Variants in CNTN5 observed in about 807,000 individuals in gnomAD.
The protein encoded by CNTN5 is contactin-5.
In CNTN5, 77 loss-of-function variants were observed where a neutral mutation model predicts 129.1. That is an observed-to-expected ratio of 0.60 (90% confidence interval 0.50 to 0.72). The LOEUF is 0.72. CNTN5 is among the 30% of genes least tolerant of loss of function. The pLI is 0.00. For missense variants in CNTN5, 1,478 were observed against 1,328.8 expected, an observed-to-expected ratio of 1.11 and a Z score of -1.75; for synonymous variants, 509 against 465.6, an observed-to-expected ratio of 1.09 and a Z score of -1.20.
intron 8 of CNTN5, among the ~76,000 whole-genome samples, chr11:99,960,364 T>A (rs1950910213): frequency 6.6e-6 from 1 of 152,176 alleles, no homozygotes; most frequent in Non-Finnish European, 1.5e-5. Flanking sequence ...TTATGTTTTT[T>A]TTCTTCTACT....
At position 99,212,631 on chromosome 11, in the gene CNTN5, C is replaced by T. The variant is rs559612204; in HGVS notation, c.-209-112715C>T. Among the ~76,000 whole-genome samples, 7 of 152,098 alleles carry T rather than the reference C, an allele frequency of 4.6e-5. No individual in the cohort carries two copies. In the South Asian group the frequency reaches 1.0e-3, roughly 23 times the overall value. ...TGTGCTGACATCTTATCACTACCCA[C>T]CCTTTATTGTATTTATTCTTTTCTA... On this transcript the variant is annotated intron_variant, in intron 1 of 24. Transcript: ENST00000524871.
Position 99,526,401 on chromosome 11 carries a change from G to A in CNTN5, c.-70-29744G>A, listed in dbSNP as rs150735360. Among the ~76,000 whole-genome samples, 768 of 152,288 alleles carry A rather than the reference G, an allele frequency of 5.0e-3. 2 individuals carry two copies. Among genetic ancestry groups the A allele is most frequent in the Non-Finnish European group, 7.6e-3 (518 of 68,016 alleles). On this transcript the variant is annotated intron_variant, in intron 2 of 24. Coordinates refer to ENST00000524871, the MANE Select transcript of CNTN5 (RefSeq NM_014361.4). Reference sequence around the variant, plus strand: ...TGGATGACTTCATTTCAGAAATCATGCTTTTTACTGAAATCTGAAAGCCGA... The same window carrying A: ...TGGATGACTTCATTTCAGAAATCATACTTTTTACTGAAATCTGAAAGCCGA...
At chr11:99,821,738 C>A (rs1464017603) in intron 4 of CNTN5, among the ~76,000 whole-genome samples, 3 of 152,070 alleles carry the variant, frequency 2.0e-5, no homozygotes, top group African/African-American at 7.2e-5. Flanking sequence ...AATAAGACCC[C>A]CCTTCAAAGA....
intron 3 of CNTN5, among the ~76,000 whole-genome samples, chr11:99,744,033 C>G: frequency 6.6e-6 from 1 of 152,016 alleles, no homozygotes; most frequent in South Asian, 2.1e-4. Context: ...AAATTTCAAC[C>G]CTTAAAAAGA....
In CNTN5 at chr11:99,042,274, C is replaced by T. The variant is rs898746956; in HGVS notation, c.-210+21004C>T. Among the ~76,000 whole-genome samples the T allele has an allele frequency of 5.3e-5, 8 of 150,746 alleles. No homozygotes were observed. In the East Asian group the frequency reaches 1.2e-3, roughly 22 times the overall value. On this transcript the variant is annotated intron_variant, in intron 1 of 24. Transcript: ENST00000524871. ...GTGCAGAAATACCTAACGTAGATGACGGGTTGATGGGTGCAGCAAACCATC... is the reference window on the plus strand; with the variant it reads ...GTGCAGAAATACCTAACGTAGATGATGGGTTGATGGGTGCAGCAAACCATC...
intron 2 of CNTN5, among the ~76,000 whole-genome samples, chr11:99,554,248 G>A (rs570106628): frequency 3.9e-5 from 6 of 152,192 alleles, no homozygotes; most frequent in African/African-American, 1.2e-4. Context: ...TTCAGAGTAT[G>A]TATCACTGTT....
At chr11:100,320,598 G>A (rs1294500827) in intron 21 of CNTN5, among the ~76,000 whole-genome samples, 1 of 151,404 alleles carries the variant, frequency 6.6e-6, no homozygotes, top group South Asian at 2.1e-4. Context: ...GTTGCCTGTG[G>A]TTTTTTTTGG....
At chr11:99,990,443 A>AC (rs1938994433) in intron 8 of CNTN5, among the ~76,000 whole-genome samples, 6 of 144,804 alleles carry the variant, frequency 4.1e-5, no homozygotes, top group African/African-American at 1.6e-4. Flanking sequence ...TTATTTTTAG[A>AC]ATATATATAT....
At chr11:100,224,288 A>G (rs1949326798) in intron 15 of CNTN5, among the ~76,000 whole-genome samples, 1 of 152,186 alleles carries the variant, frequency 6.6e-6, no homozygotes, top group Admixed American at 6.5e-5. Context: ...TTTGATTGCT[A>G]TCTTTTCACA....
intron 2 of CNTN5, among the ~76,000 whole-genome samples, chr11:99,548,660 C>A (rs1948379151): frequency 6.6e-6 from 1 of 152,186 alleles, no homozygotes; most frequent in South Asian, 2.1e-4. Context: ...ACATTATTCT[C>A]ATTTGTTTGT....
At chr11:100,128,895 A>C (rs1946286250) in intron 13 of CNTN5, among the ~76,000 whole-genome samples, 1 of 152,040 alleles carries the variant, frequency 6.6e-6, no homozygotes, top group African/African-American at 2.4e-5. Context: ...CTGAATTTGC[A>C]TAATACTAGA....
At chr11:100,291,786 T>TAAAA (rs1294956619) in intron 18 of CNTN5, among the ~76,000 whole-genome samples, 53 of 51,752 alleles carry the variant, frequency 1.0e-3, no homozygotes, top group African/African-American at 2.2e-3. Flanking sequence ...AATAAATAAA[T>TAAAA]AAAAAATATA....
chr11:99,809,146 A>G (rs996278397), intron 3 of CNTN5, among the ~76,000 whole-genome samples: 1 of 152,078 alleles, frequency 6.6e-6, no homozygotes, highest in African/African-American at 2.4e-5. Flanking sequence ...TGTTTACTCT[A>G]TGGGGGAGAA....
intron 7 of CNTN5, among the ~76,000 whole-genome samples, chr11:99,952,231 A>G (rs567623529): frequency 6.6e-6 from 1 of 152,334 alleles, no homozygotes; most frequent in African/African-American, 2.4e-5. Flanking sequence ...AGGATTGGGT[A>G]CAAACTTTCA....
chr11:100,256,827 G>A (rs1250349072), intron 17 of CNTN5, among the ~76,000 whole-genome samples: 1 of 151,998 alleles, frequency 6.6e-6, no homozygotes, highest in Admixed American at 6.5e-5. Flanking sequence ...ATTCCCTCAG[G>A]TGCCTATGGC....
chr11:99,248,074 A>T lies in CNTN5; in HGVS notation c.-209-77272A>T, dbSNP rs1183147704. The stretch of plus-strand genomic sequence containing the variant: ...AGTAGCTGAACTAATTCACAGTCCC[A>T]CCAACAGTGTAAAAGTGTTCCTATT... On this transcript the variant is annotated intron_variant, in intron 1 of 24. Coordinates refer to ENST00000524871, the MANE Select transcript of CNTN5 (RefSeq NM_014361.4). Among the ~76,000 whole-genome samples, 5 of 152,202 alleles carry T rather than the reference A, an allele frequency of 3.3e-5. 1 individual carries two copies. The highest frequency in any genetic ancestry group is 3.3e-4 in the Admixed American group (5 of 15,276).
chr11:100,062,373 A>G (rs948561952), intron 10 of CNTN5, among the ~76,000 whole-genome samples: 8 of 152,224 alleles, frequency 5.3e-5, no homozygotes, highest in African/African-American at 1.9e-4. Flanking sequence ...GAATTCAACC[A>G]GTCTTTCTTC....
intron 1 of CNTN5, among the ~76,000 whole-genome samples, chr11:99,198,791 T>C (rs1859029001): frequency 6.6e-6 from 1 of 152,160 alleles, no homozygotes; most frequent in African/African-American, 2.4e-5. Context: ...TTTGTTTGTT[T>C]GTTTTTTGTG....
chr11:99,976,611 C>G (rs1300045949), intron 8 of CNTN5, among the ~76,000 whole-genome samples: 1 of 152,220 alleles, frequency 6.6e-6, no homozygotes, highest in African/African-American at 2.4e-5. Flanking sequence ...CTTTCACTCT[C>G]TGAAGCAATG....
Sources: allele counts gnomAD v4.1 joint callset (sites outside exome capture counted in the v4.1 genomes callset), GRCh38; gene constraint gnomAD v4.1.1; transcripts MANE v1.5; gene names NCBI Gene and HGNC (gene_info 2026-07-23, HGNC 2026-07-21).